Variants in C3orf18 observed in about 807,000 individuals in gnomAD.
C3orf18 encodes the protein uncharacterized protein C3orf18.
A neutral mutation model predicts 14.1 loss-of-function variants in C3orf18; 12 were observed. The observed-to-expected ratio is 0.85, with a 90% confidence interval of 0.55 to 1.38. C3orf18 has a LOEUF of 1.38. C3orf18 is among the 40% of genes most tolerant of loss of function. C3orf18 has a pLI of 0.00. For synonymous variants in C3orf18, 82 were observed against 87.9 expected (o/e 0.93, Z 0.38); for missense variants, 196 against 213.9 (o/e 0.92, Z 0.52).
At chr3:50,571,414 A>G, upstream of C3orf18, 1 of 1,056,678 alleles carries the variant, frequency 9.5e-7, no homozygotes, top group South Asian at 1.6e-5. Context: ...TCTGTTCACT[A>G]AGAGTGCTTA....
At position 50,558,950 on chromosome 3, in the gene C3orf18, G is replaced by A. The variant is rs770184669; in HGVS notation, c.*707C>T. ...ATGCATGAGGCCTCTCGGCAGGTCT[G>A]GGGGGGCTGCATCCTTCCACTTCCA... On this transcript the variant is annotated 3_prime_UTR_variant, in exon 6 of 6. Transcript: ENST00000357203. 3.1e-6 allele frequency: 4 copies of A among 1,286,404 alleles called. No individual in the cohort carries two copies. The highest frequency in any genetic ancestry group is 4.1e-6 in the Non-Finnish European group (4 of 986,728). 79.7% of individuals were successfully genotyped at this position (1,286,404 alleles called of 1,614,324 possible).
At chr3:50,572,349 G>C (rs1316798344), upstream of C3orf18, 4 of 835,324 alleles carry the variant, frequency 4.8e-6, no homozygotes, top group Non-Finnish European at 7.5e-6. Flanking sequence ...TTTCCTCTCT[G>C]ACTGTGTTGG....
At chr3:50,571,822 C>G (rs1700999158), upstream of C3orf18, 1 of 1,605,214 alleles carries the variant, frequency 6.2e-7, no homozygotes, top group Non-Finnish European at 8.5e-7. Flanking sequence ...ATGGATCAGA[C>G]CTGAAGGATG....
At position 50,559,092 on chromosome 3, in the gene C3orf18, G is replaced by A. The variant is rs1482782734; in HGVS notation, c.*565C>T. On this transcript the variant is annotated 3_prime_UTR_variant, in exon 6 of 6. Coordinates refer to ENST00000357203, the MANE Select transcript of C3orf18 (RefSeq NM_016210.5). The stretch of plus-strand genomic sequence containing the variant: ...CCCTCCGTAGTATGGATGGACCCTG[G>A]GTGTGAATTGCCCTTCTCCTGGCAT... 2.3e-6 allele frequency: 3 copies of A among 1,289,808 alleles called. No individual in the cohort carries two copies. Among genetic ancestry groups the A allele is most frequent in the South Asian group, 2.5e-5 (2 of 81,036 alleles). The allele number at this position is 1,289,808 out of a possible 1,614,324, so 79.9% of individuals were successfully genotyped here. A position where few individuals can be genotyped will look rare whatever the true frequency, so the allele number is the denominator to read the frequency against.
rs753682251 is a variant in C3orf18 at position 50,559,683 on chromosome 3, C to T, written c.463G>A (p.Asp155Asn). The change falls in exon 6 of 6, where the codon GAT (aspartate) becomes AAT (asparagine). Residue 155 changes from aspartate (D) to asparagine (N), a missense_variant. By Grantham distance (23) the Asp-to-Asn change is conservative. Coordinates refer to ENST00000357203, the MANE Select transcript of C3orf18 (RefSeq NM_016210.5). ...CACGCATGGATGGCATTGGCCACAT[C>T]GGTAAACACCAGCCGGCTGGGTCTC... The part of the protein sequence containing the change: ...LQRPSRLVFT[D>N]VANAIHA 6.5e-5 allele frequency: 103 copies of T among 1,594,016 alleles called. No individual in the cohort carries two copies. The East Asian group carries it at 2.1e-3, about 32-fold the overall frequency.
At chr3:50,573,856 C>T (rs1701282324), upstream of C3orf18, among the ~76,000 whole-genome samples, 2 of 152,206 alleles carry the variant, frequency 1.3e-5, no homozygotes, top group Non-Finnish European at 2.9e-5. Context: ...GTGGTTCAGC[C>T]CCTGGCCTGG....
chr3:50,571,570 G>A (rs548530537), upstream of C3orf18: 27 of 834,828 alleles, frequency 3.2e-5, no homozygotes, highest in African/African-American at 4.0e-4. Flanking sequence ...ACCTTAGGCA[G>A]GATGCTGCCC....
At chr3:50,572,194 C>T (rs147014655), upstream of C3orf18, 100 of 1,613,430 alleles carry the variant, frequency 6.2e-5, 1 homozygote, top group African/African-American at 7.6e-4. Flanking sequence ...GTTTATTCCT[C>T]GGCCAGAAAC....
upstream of C3orf18, among the ~76,000 whole-genome samples, chr3:50,568,725 CAAAAAAAAA>C (rs66828816): frequency 1.2e-5 from 1 of 84,040 alleles, no homozygotes; most frequent in Non-Finnish European, 2.5e-5. Context: ...AACTCCGTCT[CAAAAAAAAA>C]AAAAAAAAAA....
intron 3 of C3orf18, chr3:50,562,504 CCA>C (rs1559438353): frequency 4.4e-6 from 2 of 454,598 alleles, no homozygotes; most frequent in African/African-American, 4.0e-5. Flanking sequence ...GCCTGTAGTC[CCA>C]GTTACTCAAG....
Position 50,567,385 on chromosome 3 carries a change from T to G in C3orf18, c.-252+78A>C, listed in dbSNP as rs1309185497. On this transcript the variant is annotated intron_variant, in intron 1 of 5. Coordinates refer to ENST00000357203, the MANE Select transcript of C3orf18 (RefSeq NM_016210.5). ...CTCCACCAGGTCTCTCAGTCCTCCC[T>G]GCCCCAATCCCCATGCCCGCCTCCG... 2.0e-5 allele frequency: 3 copies of G among 152,500 alleles called. No homozygotes were observed. The East Asian group carries it at 5.8e-4, about 29-fold the overall frequency. 9.4% of individuals were successfully genotyped at this position (152,500 alleles called of 1,614,324 possible).
At chr3:50,572,205 A>G (rs772252733), upstream of C3orf18, 3 of 1,610,508 alleles carry the variant, frequency 1.9e-6, no homozygotes, top group Admixed American at 5.0e-5. Flanking sequence ...GGCCAGAAAC[A>G]GAGGTAGGTG....
rs999242752 is a variant in C3orf18, at chr3:50,565,653, G to T, written c.47C>A (p.Pro16Gln). The change falls in exon 3 of 6, where the codon CCA (proline) becomes CAA (glutamine). Residue 16 changes from proline (P) to glutamine (Q), a missense_variant. Physicochemically the swap from Pro to Gln is moderately conservative, Grantham distance 76. Coordinates refer to ENST00000357203, the MANE Select transcript of C3orf18 (RefSeq NM_016210.5). This position sits in a 1 kb window ranked among gnomAD's most constrained non-coding sequence, Gnocchi z 4.4. The part of the protein sequence containing the change: ...ASARGWFSSR[P>Q]PTSESDLEPA... Reference sequence around the variant, plus strand: ...TTCCAGGTCAGACTCAGAGGTGGGTGGGCGGCTGCTGAACCAGCCCCTAGC... The same window carrying T: ...TTCCAGGTCAGACTCAGAGGTGGGTTGGCGGCTGCTGAACCAGCCCCTAGC... 6.2e-7 allele frequency: 1 copy of T among 1,613,044 alleles called. No homozygotes were observed. The highest frequency in any genetic ancestry group is 8.5e-7 in the Non-Finnish European group (1 of 1,179,994).
At chr3:50,564,934 T>C (rs1700198729) in intron 3 of C3orf18, among the ~76,000 whole-genome samples, 2 of 152,220 alleles carry the variant, frequency 1.3e-5, no homozygotes, top group African/African-American at 4.8e-5. Context: ...CCTTGACTAC[T>C]ATGTGGCCTT....
chr3:50,561,109 C>T (rs1319824853), intron 4 of C3orf18, 45 bp from the exon 5 acceptor site: 4 of 1,594,098 alleles, frequency 2.5e-6, no homozygotes, highest in South Asian at 2.3e-5. Context: ...CAGGCCCTTC[C>T]CCTCCCAGCA....
chr3:50,566,912 A>G (rs543757229), intron 1 of C3orf18, among the ~76,000 whole-genome samples: 1 of 152,282 alleles, frequency 6.6e-6, no homozygotes, highest in African/African-American at 2.4e-5. Context: ...GGGACGGCCT[A>G]GGGAGAGGAG....
chr3:50,561,666 A>G (rs1699976109), intron 4 of C3orf18, 56 bp downstream of exon 4: 1 of 1,566,560 alleles, frequency 6.4e-7, no homozygotes, highest in Non-Finnish European at 8.8e-7. Context: ...AGCCCAGCCC[A>G]GCACTCCCCA....
chr3:50,562,504 C>T (rs1559438350), intron 3 of C3orf18: 1 of 454,716 alleles, frequency 2.2e-6, no homozygotes, highest in South Asian at 1.6e-5. Flanking sequence ...GCCTGTAGTC[C>T]CAGTTACTCA....
At chr3:50,562,584 C>T (rs1335119223) in intron 3 of C3orf18, 4 of 455,988 alleles carry the variant, frequency 8.8e-6, no homozygotes, top group East Asian at 6.9e-5. Context: ...ACTGACACCC[C>T]GTCTCTACAA....
Sources: gnomAD v4.1 joint callset for allele counts (sites outside exome capture counted in the v4.1 genomes callset) on GRCh38, gnomAD v4.1.1 for gene constraint, Gnocchi (gnomAD v3.1) non-coding constraint, MANE v1.5 for transcripts, NCBI Gene and HGNC (gene_info 2026-07-23, HGNC 2026-07-21) for gene names.